Variants in PCDHGB5 observed in about 807,000 individuals in gnomAD.
PCDHGB5 encodes protocadherin gamma-B5.
Under a neutral mutation model 62.9 loss-of-function variants are expected in PCDHGB5, and 48 were observed. That is an observed-to-expected ratio of 0.76 (90% CI 0.61 to 0.97). PCDHGB5 has a LOEUF of 0.97. Ranked by LOEUF, PCDHGB5 falls within the 50% of genes least tolerant of loss-of-function variation. The pLI is 0.00. For synonymous variants in PCDHGB5, 474 were observed against 511.2 expected (o/e 0.93, Z 0.98); for missense variants, 1,118 against 1,198.6 (o/e 0.93, Z 0.99).
Position 141,491,885 on chromosome 5 carries a change from G to T in PCDHGB5, c.2398-2922G>T. On this transcript the variant is annotated intron_variant, in intron 1 of 3. Transcript: ENST00000617380. The surrounding 1 kb of genome is among the most constrained non-coding windows in gnomAD (Gnocchi z 6.9). ...ACCAGAGTGGCCGATTAAGGGATGG[G>T]GCTCCGAGCACCGGGGGTGGTGGCG... The T allele has an allele frequency of 6.9e-7, 1 of 1,445,748 alleles. No homozygotes were observed. Among genetic ancestry groups the T allele is most frequent in the Non-Finnish European group, 9.1e-7 (1 of 1,093,758 alleles). The allele number at this position is 1,445,748 out of a possible 1,614,324, so 89.6% of individuals were successfully genotyped here. A position where few individuals can be genotyped will look rare whatever the true frequency, so the allele number is the denominator to read the frequency against.
At position 141,505,629 on chromosome 5, in the gene PCDHGB5, C is replaced by T. The variant is rs1475582931; in HGVS notation, c.2545+148C>T. 7.4e-6 allele frequency: 11 copies of T among 1,482,192 alleles called. No individual in the cohort carries two copies. The African/African-American group carries it at 9.8e-5, about 13-fold the overall frequency. The allele number at this position is 1,482,192 out of a possible 1,614,324, so 91.8% of individuals were successfully genotyped here. ...GTCTGAAAGGACCCACAATTCCAAACATAAAGCCTGGAATTGTGGCTAAGG... is the reference window on the plus strand; with the variant it reads ...GTCTGAAAGGACCCACAATTCCAAATATAAAGCCTGGAATTGTGGCTAAGG... On this transcript the variant is annotated intron_variant, in intron 3 of 3. Coordinates refer to ENST00000617380, the MANE Select transcript of PCDHGB5 (RefSeq NM_018925.3).
At chr5:141,409,863 A>G in intron 1 of PCDHGB5, 3 of 1,612,376 alleles carry the variant, frequency 1.9e-6, no homozygotes, top group Non-Finnish European at 2.5e-6. Flanking sequence ...TTGGTGGGAG[A>G]CCGCAATGAC....
intron 1 of PCDHGB5, chr5:141,468,346 AAAAG>A (rs2099164910): frequency 6.8e-6 from 1 of 147,210 alleles, no homozygotes; most frequent in South Asian, 2.2e-4. Flanking sequence ...AAAAAAAAAA[AAAAG>A]AAAGAAAAAA....
At chr5:141,449,016 C>T (rs2098623330) in intron 1 of PCDHGB5, among the ~76,000 whole-genome samples, 1 of 152,008 alleles carries the variant, frequency 6.6e-6, no homozygotes, top group African/African-American at 2.4e-5. Context: ...TTAACAGTTG[C>T]TTAGCATTCC....
intron 1 of PCDHGB5, among the ~76,000 whole-genome samples, chr5:141,443,479 C>G (rs1285767691): frequency 6.6e-6 from 1 of 152,144 alleles, no homozygotes; most frequent in African/African-American, 2.4e-5. Context: ...GAATTAGACC[C>G]TGTCCCAAAA....
Position 141,422,144 on chromosome 5 carries a change from G to A in PCDHGB5, c.2397+21620G>A, listed in dbSNP as rs748208921. On this transcript the variant is annotated intron_variant, in intron 1 of 3. Transcript: ENST00000617380. Reference sequence around the variant, plus strand: ...CAAACTGGAGAAGTTCAAGTACGGGGGTCTCTGGATTTTGAAAAATATAGA... The same window carrying A: ...CAAACTGGAGAAGTTCAAGTACGGGAGTCTCTGGATTTTGAAAAATATAGA... 1.9e-6 allele frequency: 3 copies of A among 1,583,402 alleles called. No individual in the cohort carries two copies. In the African/African-American group the frequency reaches 4.1e-5, roughly 22 times the overall value.
At chr5:141,457,439 C>T (rs2098920819) in intron 1 of PCDHGB5, among the ~76,000 whole-genome samples, 1 of 152,194 alleles carries the variant, frequency 6.6e-6, no homozygotes, top group Non-Finnish European at 1.5e-5. Context: ...CACCAAGCTG[C>T]AGAAGATCAC....
chr5:141,423,539 T>C (rs747825176), intron 1 of PCDHGB5: 10 of 1,613,140 alleles, frequency 6.2e-6, no homozygotes, highest in Non-Finnish European at 8.5e-6. Flanking sequence ...CACCTGATTT[T>C]CCCCCAGCCC....
chr5:141,428,001 T>C (rs149531447), intron 1 of PCDHGB5: 1 of 1,601,704 alleles, frequency 6.2e-7, no homozygotes, highest in Admixed American at 1.7e-5. Flanking sequence ...CTCCGCACTC[T>C]TCGATATAGT....
intron 1 of PCDHGB5, chr5:141,412,915 T>C (rs1167427710): frequency 2.0e-5 from 8 of 407,356 alleles, no homozygotes; most frequent in Non-Finnish European, 2.6e-5. Flanking sequence ...ATGTATCACT[T>C]GGGTGCAGTA....
intron 2 of PCDHGB5, among the ~76,000 whole-genome samples, chr5:141,502,186 CA>C (rs1470455379): frequency 1.3e-5 from 2 of 152,148 alleles, no homozygotes; most frequent in Non-Finnish European, 2.9e-5. Context: ...AACATTAATA[CA>C]ATAATATAGA....
intron 1 of PCDHGB5, chr5:141,416,359 A>G (rs1215806118): frequency 6.6e-6 from 1 of 152,228 alleles, no homozygotes; most frequent in Non-Finnish European, 1.5e-5. Flanking sequence ...TGAGGAGGCT[A>G]TAGAGGGTGA....
At chr5:141,400,999 TCCTA>T (rs1239504565) in intron 1 of PCDHGB5, among the ~76,000 whole-genome samples, 2 of 152,226 alleles carry the variant, frequency 1.3e-5, no homozygotes, top group African/African-American at 2.4e-5. Flanking sequence ...GCTTTCTTAT[TCCTA>T]CCTAATGGAT....
At position 141,399,710 on chromosome 5, in the gene PCDHGB5, T is replaced by C; in HGVS notation, c.1583T>C (p.Leu528Pro). ...YEQLRTFELT[L>P]QARDQGSPAL... Reference sequence around the variant, plus strand: ...CAGCTGCGCACCTTCGAACTCACACTACAGGCCCGCGACCAGGGCTCGCCT... The same window carrying C: ...CAGCTGCGCACCTTCGAACTCACACCACAGGCCCGCGACCAGGGCTCGCCT... The change falls in exon 1 of 4, where the codon CTA becomes CCA. Residue 528 changes from leucine (L) to proline (P), a missense_variant. By Grantham distance (98) the Leu-to-Pro change is moderately conservative. This residue lies in a region of PCDHGB5 where 1,034 missense variants were observed against 1,029.1 expected (regional missense o/e 1.00). Transcript: ENST00000617380. The C allele has an allele frequency of 6.2e-7, 1 of 1,613,346 alleles. No homozygotes were observed. The highest frequency in any genetic ancestry group is 1.1e-5 in the South Asian group (1 of 91,066).
Position 141,477,068 on chromosome 5 carries a change from C to G in PCDHGB5, c.2398-17739C>G. The G allele has an allele frequency of 6.2e-7, 1 of 1,614,268 alleles. No individual in the cohort carries two copies. Among genetic ancestry groups the G allele is most frequent in the Non-Finnish European group, 8.5e-7 (1 of 1,180,046 alleles). On this transcript the variant is annotated intron_variant, in intron 1 of 3. Coordinates refer to ENST00000617380, the MANE Select transcript of PCDHGB5 (RefSeq NM_018925.3). This position sits in a 1 kb window ranked among gnomAD's most constrained non-coding sequence, Gnocchi z 4.9. ...GCTGGACTTCGAGGACACCAAACTC[C>G]ATGAGATTTACATCCAGGCCAAAGA...
intron 1 of PCDHGB5, among the ~76,000 whole-genome samples, chr5:141,436,839 A>G (rs1247924864): frequency 6.6e-6 from 1 of 152,260 alleles, no homozygotes; most frequent in African/African-American, 2.4e-5. Flanking sequence ...GTGCCTAGGC[A>G]CATTCTTGAT....
At chr5:141,504,995 G>A (rs1214858212) in intron 2 of PCDHGB5, among the ~76,000 whole-genome samples, 6 of 151,980 alleles carry the variant, frequency 3.9e-5, no homozygotes, top group African/African-American at 1.5e-4. Context: ...AACCCCGTCT[G>A]TACTAAAAAT....
chr5:141,410,847 G>GTAT, intron 1 of PCDHGB5: 2 of 158,246 alleles, frequency 1.3e-5, no homozygotes, highest in Non-Finnish European at 1.0e-5. Context: ...TTTTGTCTTT[G>GTAT]TCTTTTTTTT....
intron 1 of PCDHGB5, chr5:141,423,962 C>A: frequency 1.7e-6 from 2 of 1,168,402 alleles, no homozygotes; most frequent in South Asian, 4.2e-5. Context: ...TATTATTTTT[C>A]TATTATCAGT....
Sources: gnomAD v4.1 joint callset for allele counts (sites outside exome capture counted in the v4.1 genomes callset) on GRCh38, gnomAD v4.1.1 for gene constraint, gnomAD v4.1.1 regional missense constraint, Gnocchi (gnomAD v3.1) non-coding constraint, MANE v1.5 for transcripts, NCBI Gene and HGNC (gene_info 2026-07-23, HGNC 2026-07-21) for gene names.